Variants in GPC6 observed in about 807,000 individuals in gnomAD.
GPC6 encodes glypican-6.
In GPC6, 14 loss-of-function variants were observed where a neutral mutation model predicts 55.2. The ratio of observed to expected loss-of-function variants is 0.25; its 90% CI spans 0.17 to 0.40. The LOEUF is 0.40. Ranked by LOEUF, GPC6 falls within the 10% of genes least tolerant of loss-of-function variation. GPC6 has a pLI of 1.00. For synonymous variants in GPC6, 278 were observed against 259.6 expected (o/e 1.07, Z -0.68); for missense variants, 641 against 708.5 (o/e 0.90, Z 1.08).
chr13:93,468,452 A>G (rs1878993313), intron 1 of GPC6, among the ~76,000 whole-genome samples: 1 of 151,838 alleles, frequency 6.6e-6, no homozygotes, highest in African/African-American at 2.4e-5. Flanking sequence ...TAATTTGCTT[A>G]TATATCTTAT....
intron 2 of GPC6, among the ~76,000 whole-genome samples, chr13:93,560,268 G>A (rs186940026): frequency 5.5e-4 from 83 of 151,764 alleles, no homozygotes; most frequent in Non-Finnish European, 1.1e-3. Flanking sequence ...AGCACTTTGG[G>A]AGGCCAAGGT....
intron 1 of GPC6, among the ~76,000 whole-genome samples, chr13:93,522,208 G>A (rs953477023): frequency 6.6e-6 from 1 of 151,914 alleles, no homozygotes; most frequent in African/African-American, 2.4e-5. Flanking sequence ...TTACAACTCT[G>A]TTGGTTAGAG....
intron 3 of GPC6, among the ~76,000 whole-genome samples, chr13:93,881,155 A>C (rs574376529): frequency 1.3e-5 from 2 of 152,242 alleles, no homozygotes; most frequent in Admixed American, 1.3e-4. Flanking sequence ...TGGAAATAGA[A>C]TGTGAGTAGA....
intron 2 of GPC6, among the ~76,000 whole-genome samples, chr13:93,647,810 CAT>C (rs373920529): frequency 1.1e-4 from 16 of 152,286 alleles, no homozygotes; most frequent in African/African-American, 3.8e-4. Context: ...TCCCAGGACC[CAT>C]AGCCTGGCTC....
rs140661318 is a variant in GPC6 at position 94,384,178 on chromosome 13, A to C, written c.1289+1628A>C. On this transcript the variant is annotated intron_variant, in intron 7 of 8. Transcript: ENST00000377047. The stretch of plus-strand genomic sequence containing the variant: ...GCTCTAACCATTTCAAAATGCTCAA[A>C]ATATCAATATCAAATCATAGATCAT... Among the ~76,000 whole-genome samples, 458 of 152,364 alleles carry C rather than the reference A, an allele frequency of 3.0e-3. 4 individuals carry two copies. The highest frequency in any genetic ancestry group is 0.01 in the African/African-American group (434 of 41,586).
At chr13:93,754,917 T>C (rs1884720202) in intron 2 of GPC6, among the ~76,000 whole-genome samples, 1 of 152,150 alleles carries the variant, frequency 6.6e-6, no homozygotes, top group African/African-American at 2.4e-5. Flanking sequence ...CCTGAGTTAA[T>C]CCCAAGGGGC....
At chr13:93,627,776 G>A (rs927255755) in intron 2 of GPC6, among the ~76,000 whole-genome samples, 3 of 152,124 alleles carry the variant, frequency 2.0e-5, no homozygotes, top group Non-Finnish European at 2.9e-5. Flanking sequence ...GGTTTTTATC[G>A]TGAAATCCCA....
intron 1 of GPC6, among the ~76,000 whole-genome samples, chr13:93,461,234 T>G (rs1386361919): frequency 1.3e-5 from 2 of 152,186 alleles, no homozygotes; most frequent in Non-Finnish European, 2.9e-5. Context: ...CTAGTTTTGG[T>G]CCTGCTACTA....
At chr13:93,716,633 G>T (rs1883262717) in intron 2 of GPC6, among the ~76,000 whole-genome samples, 1 of 151,466 alleles carries the variant, frequency 6.6e-6, no homozygotes, top group Non-Finnish European at 1.5e-5. Flanking sequence ...TAAGTTAAAA[G>T]GTTTATAAAA....
intron 4 of GPC6, among the ~76,000 whole-genome samples, chr13:94,144,543 GTGTA>G (rs1164838747): frequency 0.03 from 1,972 of 66,272 alleles, 50 homozygotes; most frequent in African/African-American, 0.11. Context: ...GGGAGTGTGT[GTGTA>G]TGTGTGTGTG....
rs115802404 is a variant in GPC6 at position 93,594,430 on chromosome 13, G to A, written c.319+49009G>A. ...TGAGTTATACCATTTTATACTTTTTGATGTATATCATATAATAGTATAACT... is the reference window on the plus strand; with the variant it reads ...TGAGTTATACCATTTTATACTTTTTAATGTATATCATATAATAGTATAACT... On this transcript the variant is annotated intron_variant, in intron 2 of 8. Transcript: ENST00000377047. 6.7e-3 allele frequency among the ~76,000 whole-genome samples: 1,017 copies of A among 151,878 alleles called. 19 individuals carry two copies. Among genetic ancestry groups the A allele is most frequent in the African/African-American group, 0.023 (939 of 41,430 alleles).
At chr13:93,940,038 G>T (rs917103239) in intron 3 of GPC6, among the ~76,000 whole-genome samples, 1 of 152,040 alleles carries the variant, frequency 6.6e-6, no homozygotes, top group Non-Finnish European at 1.5e-5. Flanking sequence ...ATAGTTGAAA[G>T]AAAATAAGTC....
chr13:93,520,207 C>T (rs1171220056), intron 1 of GPC6, among the ~76,000 whole-genome samples: 1 of 151,898 alleles, frequency 6.6e-6, no homozygotes, highest in African/African-American at 2.4e-5. Flanking sequence ...TTGGAAAGTG[C>T]AGCTGATATA....
At chr13:93,425,000 G>A (rs1877070423) in intron 1 of GPC6, among the ~76,000 whole-genome samples, 1 of 152,150 alleles carries the variant, frequency 6.6e-6, no homozygotes, top group Non-Finnish European at 1.5e-5. Context: ...TCCTAGTGAT[G>A]AGTGTTTGGG....
chr13:93,477,480 A>T (rs1321965246), intron 1 of GPC6, among the ~76,000 whole-genome samples: 1 of 152,164 alleles, frequency 6.6e-6, no homozygotes, highest in African/African-American at 2.4e-5. Context: ...ATGATGTTTA[A>T]ACAAGTTTTC....
rs1360983557 is a variant in GPC6 at position 94,322,684 on chromosome 13, CT to C, written c.1152+16562del. 3.9e-5 allele frequency among the ~76,000 whole-genome samples: 6 copies of C among 152,126 alleles called. No homozygotes were observed. In the East Asian group the frequency reaches 1.2e-3, roughly 29 times the overall value. ...AGAAAACAAAAATAATATGTGCATT[CT>C]ATTTTTCTTAAAAGAAAAGCACTTT... On this transcript the variant is annotated intron_variant, in intron 6 of 8. Transcript: ENST00000377047.
At chr13:93,814,987 CA>C (rs1426223472) in intron 2 of GPC6, among the ~76,000 whole-genome samples, 1 of 151,956 alleles carries the variant, frequency 6.6e-6, no homozygotes, top group Non-Finnish European at 1.5e-5. Flanking sequence ...AAAACAAAAC[CA>C]AAAAACAAAA....
intron 3 of GPC6, among the ~76,000 whole-genome samples, chr13:93,890,716 A>ATTT (rs35783811): frequency 1.6e-5 from 2 of 125,386 alleles, no homozygotes; most frequent in East Asian, 2.1e-4. Context: ...ATTTTACTTA[A>ATTT]TTTTTTTTTT....
intron 2 of GPC6, among the ~76,000 whole-genome samples, chr13:93,746,728 A>G (rs576026165): frequency 1.6e-4 from 24 of 152,312 alleles, no homozygotes; most frequent in African/African-American, 5.5e-4. Flanking sequence ...AAGATTTGTT[A>G]TGGAACACAA....
Sources: allele counts gnomAD v4.1 joint callset (sites outside exome capture counted in the v4.1 genomes callset), GRCh38; gene constraint gnomAD v4.1.1; transcripts MANE v1.5; gene names NCBI Gene and HGNC (gene_info 2026-07-23, HGNC 2026-07-21).